The following SLC60A2 variants were observed in gnomAD, a reference collection of about 807,000 sequenced individuals.
SLC60A2 encodes solute carrier family 60 member 2, also known as major facilitator superfamily domain containing 4B.
chr6:111,265,334 TA>T, the SLC60A2 span: 1 of 985,114 alleles, frequency 1.0e-6, no homozygotes, highest in Non-Finnish European at 1.2e-6. Context: ...TTAGACAGTA[TA>T]AATTCAGATG....
chr6:111,275,001 C>T, the SLC60A2 span, among the ~76,000 whole-genome samples: 1 of 151,934 alleles, frequency 6.6e-6, no homozygotes, highest in Middle Eastern at 3.4e-3. Flanking sequence ...TAGCTCATTG[C>T]AGCTTCGGAC....
the SLC60A2 span, among the ~76,000 whole-genome samples, chr6:111,271,775 TAAA>T: frequency 4.7e-3 from 88 of 18,838 alleles, no homozygotes; most frequent in South Asian, 0.012. Flanking sequence ...CCATCTCTAC[TAAA>T]AAAAAAAAAA....
At chr6:111,262,387 G>T in the SLC60A2 span, 1 of 1,613,752 alleles carries the variant, frequency 6.2e-7, no homozygotes, top group Non-Finnish European at 8.5e-7. Context: ...GTGATTGGTG[G>T]ATTTCTTGTC....
the SLC60A2 span, chr6:111,262,137 A>G: frequency 1.3e-6 from 1 of 746,122 alleles, no homozygotes; most frequent in Non-Finnish European, 2.1e-6. Context: ...AATTCCCTAC[A>G]TTACATTGTA....
chr6:111,259,684 G>C, the SLC60A2 span: 1 of 1,597,472 alleles, frequency 6.3e-7, no homozygotes, highest in Non-Finnish European at 8.5e-7. Flanking sequence ...AGCAAGCTGC[G>C]GTGGTTCACC....
the SLC60A2 span, among the ~76,000 whole-genome samples, chr6:111,261,261 G>A: frequency 6.6e-6 from 1 of 152,188 alleles, no homozygotes; most frequent in Admixed American, 6.5e-5. Flanking sequence ...AGGACTCCAT[G>A]TGCATCCAGA....
At chr6:111,265,972 C>T in the SLC60A2 span, 2 of 1,614,010 alleles carry the variant, frequency 1.2e-6, no homozygotes, top group East Asian at 4.5e-5. Context: ...TTTTTGGCTC[C>T]ACTGCTAGCT....
chr6:111,264,036 C>T, the SLC60A2 span: 2 of 656,956 alleles, frequency 3.0e-6, no homozygotes, highest in Middle Eastern at 2.5e-4. Flanking sequence ...TGCAATGCCC[C>T]CTAAAATGAC....
the SLC60A2 span, chr6:111,269,421 A>G: frequency 3.9e-5 from 6 of 152,178 alleles, no homozygotes; most frequent in African/African-American, 1.4e-4. Context: ...GCTGATCTCA[A>G]ACTCCTGATC....
the SLC60A2 span, among the ~76,000 whole-genome samples, chr6:111,261,137 A>G: frequency 6.6e-6 from 1 of 152,296 alleles, no homozygotes; most frequent in African/African-American, 2.4e-5. Context: ...TGGGCGTGTA[A>G]TATTTTTTAA....
chr6:111,267,012 A>G, the SLC60A2 span: 1 of 1,614,206 alleles, frequency 6.2e-7, no homozygotes, highest in Non-Finnish European at 8.5e-7. Flanking sequence ...TGAAGTCTAT[A>G]ATCAATACCC....
chr6:111,269,594 G>A, the SLC60A2 span: 1 of 152,156 alleles, frequency 6.6e-6, no homozygotes, highest in Non-Finnish European at 1.5e-5. Flanking sequence ...TTGGAATCTA[G>A]GCAGTAGCAG....
the SLC60A2 span, chr6:111,269,242 C>T: frequency 6.6e-6 from 1 of 152,202 alleles, no homozygotes; most frequent in African/African-American, 2.4e-5. Context: ...CTCTGTCACT[C>T]AGGCTGGAGT....
the SLC60A2 span, chr6:111,270,540 C>T: frequency 2.6e-5 from 4 of 151,810 alleles, no homozygotes; most frequent in African/African-American, 9.7e-5. Flanking sequence ...AAAAGAGACC[C>T]CTTCTCTAAA....
chr6:111,268,048 A>G, the SLC60A2 span: 12 of 152,328 alleles, frequency 7.9e-5, no homozygotes, highest in African/African-American at 2.6e-4. Flanking sequence ...TGAAAATGAG[A>G]TGATTTCCAA....
the SLC60A2 span, chr6:111,266,858 C>A: frequency 1.9e-6 from 3 of 1,613,774 alleles, no homozygotes; most frequent in Non-Finnish European, 2.5e-6. Flanking sequence ...TCTCTAGCTC[C>A]GGGCTAAATG....
the SLC60A2 span, chr6:111,271,026 G>C: frequency 6.6e-6 from 1 of 151,698 alleles, no homozygotes; most frequent in African/African-American, 2.4e-5. Context: ...GCAGAGTTAT[G>C]CCTTTTTTTT....
the SLC60A2 span, chr6:111,262,327 G>C: frequency 0.017 from 27,768 of 1,614,088 alleles, 304 homozygotes; most frequent in Middle Eastern, 0.044. Context: ...AATATCAGTA[G>C]TCTGTCTTTC....
the SLC60A2 span, among the ~76,000 whole-genome samples, chr6:111,263,511 G>A: frequency 6.6e-6 from 1 of 152,002 alleles, no homozygotes; most frequent in Non-Finnish European, 1.5e-5. Flanking sequence ...AAAAATTCCT[G>A]TTAGGTTCTT....
Sources: gnomAD v4.1 joint callset for allele counts (sites outside exome capture counted in the v4.1 genomes callset) on GRCh38, gnomAD v4.1.1 for gene constraint, MANE v1.5 for transcripts, NCBI Gene and HGNC (gene_info 2026-07-23, HGNC 2026-07-21) for gene names.